The following PTPRD variants were observed in gnomAD, a reference collection of about 807,000 sequenced individuals.
PTPRD encodes the protein protein tyrosine phosphatase receptor type D.
A neutral mutation model predicts 214.5 loss-of-function variants in PTPRD; 34 were observed. That is an observed-to-expected ratio of 0.16 (90% CI 0.12 to 0.21). The LOEUF (loss-of-function observed/expected upper bound fraction) is 0.21. PTPRD is among the 10% of genes least tolerant of loss of function. PTPRD has a pLI of 1.00. For missense variants in PTPRD, 2,545 were observed against 2,398.7 expected (o/e 1.06, Z -1.27); for synonymous variants, 1,128 against 845.7 (o/e 1.33, Z -5.79).
rs1567064039 is a variant in PTPRD, at chr9:8,929,871, G to GTATA, written c.-104+88825_-104+88826insTATA. ...TGTATATATATGTGTATATACATGT[G>GTATA]TGTGTATATATGTGTGTGTATATAT... On this transcript the variant is annotated intron_variant, in intron 11 of 45. Coordinates refer to ENST00000381196, the MANE Select transcript of PTPRD (RefSeq NM_002839.4). Among the ~76,000 whole-genome samples the GTATA allele has an allele frequency of 2.1e-4, 18 of 84,752 alleles. 2 individuals carry two copies. The highest frequency in any genetic ancestry group is 6.7e-3 in the Middle Eastern group (1 of 150). 55.6% of individuals were successfully genotyped at this position (84,752 alleles called of 152,430 possible).
At chr9:9,136,085 C>A (rs2099850377) in intron 10 of PTPRD, among the ~76,000 whole-genome samples, 1 of 152,086 alleles carries the variant, frequency 6.6e-6, no homozygotes, top group Admixed American at 6.5e-5. Flanking sequence ...AATATCTCAA[C>A]CTCATAACAT....
At chr9:9,431,979 C>A (rs917772708) in intron 8 of PTPRD, among the ~76,000 whole-genome samples, 7 of 150,676 alleles carry the variant, frequency 4.6e-5, no homozygotes, top group African/African-American at 1.5e-4. Flanking sequence ...TTGCAGCACA[C>A]CACCATGGCA....
At chr9:9,681,611 A>G (rs748802769) in intron 7 of PTPRD, among the ~76,000 whole-genome samples, 12 of 151,724 alleles carry the variant, frequency 7.9e-5, no homozygotes, top group Non-Finnish European at 1.2e-4. Context: ...TAATCAGGCC[A>G]TCTTAAAAGA....
intron 4 of PTPRD, among the ~76,000 whole-genome samples, chr9:10,031,847 C>T (rs1017168067): frequency 6.6e-6 from 1 of 151,162 alleles, no homozygotes; most frequent in African/African-American, 2.4e-5. Context: ...TTTTTGAAGA[C>T]AAGAGATGGT....
At chr9:10,477,294 T>C (rs895830683) in intron 2 of PTPRD, among the ~76,000 whole-genome samples, 1 of 151,438 alleles carries the variant, frequency 6.6e-6, no homozygotes, top group South Asian at 2.1e-4. Context: ...AAGAAAAAAA[T>C]AAACAACCCC....
At chr9:9,867,355 A>G (rs558666632) in intron 5 of PTPRD, among the ~76,000 whole-genome samples, 7 of 152,258 alleles carry the variant, frequency 4.6e-5, no homozygotes, top group South Asian at 2.1e-4. Context: ...TAATTATACC[A>G]TATTCTCAAA....
At chr9:9,508,632 T>C (rs1395644873) in intron 8 of PTPRD, among the ~76,000 whole-genome samples, 3 of 151,636 alleles carry the variant, frequency 2.0e-5, no homozygotes, top group Non-Finnish European at 4.4e-5. Context: ...TCACTTAAGT[T>C]TGCTTCTTTC....
intron 3 of PTPRD, among the ~76,000 whole-genome samples, chr9:10,139,685 A>G (rs1255275315): frequency 6.6e-6 from 1 of 152,064 alleles, no homozygotes; most frequent in East Asian, 1.9e-4. Context: ...TAGGACAAAA[A>G]CCAGACACAC....
chr9:9,013,457 G>A (rs1341782710), intron 11 of PTPRD, among the ~76,000 whole-genome samples: 1 of 152,094 alleles, frequency 6.6e-6, no homozygotes, highest in Admixed American at 6.6e-5. Flanking sequence ...TCTATGTTTG[G>A]TAACAGTCCA....
intron 9 of PTPRD, among the ~76,000 whole-genome samples, chr9:9,245,818 G>A (rs962705895): frequency 9.2e-5 from 14 of 151,998 alleles, no homozygotes; most frequent in Non-Finnish European, 1.5e-4. Flanking sequence ...GCCCAGGAAC[G>A]TTTGAATGTT....
chr9:9,908,099 T>C (rs567619851), intron 5 of PTPRD, among the ~76,000 whole-genome samples: 1 of 149,256 alleles, frequency 6.7e-6, no homozygotes, highest in South Asian at 2.1e-4. Flanking sequence ...AATCTTAGAA[T>C]AGAAATGAGA....
intron 2 of PTPRD, among the ~76,000 whole-genome samples, chr9:10,380,831 G>A (rs1255848480): frequency 6.6e-6 from 1 of 151,922 alleles, no homozygotes; most frequent in African/African-American, 2.4e-5. Flanking sequence ...TCTGTGCCAT[G>A]TATATTTGAG....
chr9:8,704,289 G>A lies in PTPRD; in HGVS notation c.64+29491C>T, dbSNP rs74676787. The stretch of plus-strand genomic sequence containing the variant: ...CTCCCTACACACTCCCTAAACTCCA[G>A]CCGAATTGGTTTCCTCTCAGTAATA... On this transcript the variant is annotated intron_variant, in intron 12 of 45. Transcript: ENST00000381196. 9.5e-4 allele frequency among the ~76,000 whole-genome samples: 145 copies of A among 152,194 alleles called. No individual in the cohort carries two copies. In the South Asian group the frequency reaches 0.015, roughly 15 times the overall value.
chr9:9,975,698 T>C (rs755936434), intron 4 of PTPRD, among the ~76,000 whole-genome samples: 1 of 152,194 alleles, frequency 6.6e-6, no homozygotes, highest in East Asian at 1.9e-4. Context: ...TCTGTTAAGA[T>C]AATAAGAAAG....
intron 8 of PTPRD, among the ~76,000 whole-genome samples, chr9:9,526,798 T>G (rs1344372925): frequency 2.0e-5 from 3 of 152,202 alleles, no homozygotes. Context: ...ATTAACATGA[T>G]GAGTTCTGAT....
intron 11 of PTPRD, among the ~76,000 whole-genome samples, chr9:9,012,606 A>C (rs987514850): frequency 1.3e-5 from 2 of 152,186 alleles, no homozygotes; most frequent in Non-Finnish European, 1.5e-5. Context: ...GCAATGTCTA[A>C]TGACTGTTCT....
At chr9:10,204,971 G>A (rs927639662) in intron 3 of PTPRD, among the ~76,000 whole-genome samples, 1 of 152,008 alleles carries the variant, frequency 6.6e-6, no homozygotes, top group South Asian at 2.1e-4. Flanking sequence ...TTTTTTATAA[G>A]GAACATTTGA....
At chr9:10,145,099 G>A (rs9721595) in intron 3 of PTPRD, among the ~76,000 whole-genome samples, 17,496 of 151,898 alleles carry the variant, frequency 0.12, 1,214 homozygotes, top group Admixed American at 0.17. Flanking sequence ...TATCTACAGA[G>A]TTACCCTGTG....
intron 7 of PTPRD, among the ~76,000 whole-genome samples, chr9:9,591,529 G>C (rs2092729492): frequency 6.6e-6 from 1 of 152,020 alleles, no homozygotes; most frequent in Non-Finnish European, 1.5e-5. Flanking sequence ...ACAGAACTAT[G>C]ACATAGTAAA....
Sources: gnomAD v4.1 joint callset for allele counts (sites outside exome capture counted in the v4.1 genomes callset) on GRCh38, gnomAD v4.1.1 for gene constraint, MANE v1.5 for transcripts, NCBI Gene and HGNC (gene_info 2026-07-23, HGNC 2026-07-21) for gene names.